Variants in RBFOX1 observed in about 807,000 individuals in gnomAD.
RBFOX1 encodes RNA binding fox-1 homolog 1.
In RBFOX1, 8 loss-of-function variants were observed where a neutral mutation model predicts 57.7. The observed-to-expected ratio is 0.14, with a 90% confidence interval of 0.08 to 0.25. RBFOX1 has a LOEUF of 0.25. RBFOX1 is among the 10% of genes least tolerant of loss of function. The pLI is 1.00. For synonymous variants in RBFOX1, 326 were observed against 222.4 expected (o/e 1.47, Z -4.15); for missense variants, 611 against 548.5 (o/e 1.11, Z -1.14).
At chr16:6,792,568 G>A (rs890281063) in intron 3 of RBFOX1, among the ~76,000 whole-genome samples, 10 of 152,132 alleles carry the variant, frequency 6.6e-5, no homozygotes, top group Non-Finnish European at 1.5e-4. Context: ...TACACTCAAC[G>A]CCATGTAGTA....
At chr16:5,827,377 A>T (rs1435132599) in intron 3 of RBFOX1, among the ~76,000 whole-genome samples, 2 of 145,166 alleles carry the variant, frequency 1.4e-5, no homozygotes, top group African/African-American at 5.2e-5. Context: ...TCCAACCTGG[A>T]TGACAGAGCA....
At chr16:6,059,653 A>G (rs937516297) in intron 1 of RBFOX1, among the ~76,000 whole-genome samples, 12 of 152,130 alleles carry the variant, frequency 7.9e-5, no homozygotes, top group African/African-American at 2.9e-4. Flanking sequence ...CAAACTGAGC[A>G]TCTCTCAGTT....
chr16:5,737,315 C>G (rs1005621508), intron 3 of RBFOX1, among the ~76,000 whole-genome samples: 4 of 151,980 alleles, frequency 2.6e-5, no homozygotes, highest in Non-Finnish European at 4.4e-5. Context: ...AAAACTCGGT[C>G]TCTCCTAAAA....
At chr16:7,229,278 C>T (rs2093339709) in intron 4 of RBFOX1, among the ~76,000 whole-genome samples, 1 of 152,114 alleles carries the variant, frequency 6.6e-6, no homozygotes, top group African/African-American at 2.4e-5. Context: ...ATACTTTTTC[C>T]TCCTAAGTTG....
intron 4 of RBFOX1, among the ~76,000 whole-genome samples, chr16:7,147,769 G>T (rs1261107762): frequency 6.6e-6 from 1 of 152,168 alleles, no homozygotes; most frequent in African/African-American, 2.4e-5. Context: ...GAATAGAGCT[G>T]CAGTGAACAT....
chr16:7,155,211 C>G (rs1394064120), intron 4 of RBFOX1, among the ~76,000 whole-genome samples: 1 of 152,200 alleles, frequency 6.6e-6, no homozygotes, highest in South Asian at 2.1e-4. Context: ...AAGTTTTTAG[C>G]TTTTTAAAAA....
chr16:6,274,750 A>G (rs1035579431), intron 1 of RBFOX1, among the ~76,000 whole-genome samples: 2 of 152,236 alleles, frequency 1.3e-5, no homozygotes, highest in African/African-American at 2.4e-5. Flanking sequence ...ATCTAGAATT[A>G]TCTCAGAATG....
At chr16:6,704,977 C>G (rs375034210) in intron 3 of RBFOX1, 6 of 152,214 alleles carry the variant, frequency 3.9e-5, no homozygotes, top group East Asian at 3.9e-4. Flanking sequence ...TGGGATAATG[C>G]TACCTCATGG....
intron 1 of RBFOX1, among the ~76,000 whole-genome samples, chr16:5,425,169 G>A (rs1448238905): frequency 6.7e-6 from 1 of 150,178 alleles, no homozygotes; most frequent in African/African-American, 2.4e-5. Context: ...GCAGTGGTGC[G>A]ATCTTGGCTC....
At chr16:5,769,397 T>A (rs1191179432) in intron 3 of RBFOX1, among the ~76,000 whole-genome samples, 5 of 151,612 alleles carry the variant, frequency 3.3e-5, no homozygotes, top group Non-Finnish European at 7.4e-5. Flanking sequence ...TCCTAGCACT[T>A]CTGGAGGCTG....
rs1246049820 is a variant in RBFOX1, at chr16:5,946,793, C to A, written c.351+79458C>A. 6.6e-6 allele frequency among the ~76,000 whole-genome samples: 1 copy of A among 152,150 alleles called. No individual in the cohort carries two copies. Among genetic ancestry groups the A allele is most frequent in the Non-Finnish European group, 1.5e-5 (1 of 68,028 alleles). On this transcript the variant is annotated intron_variant, in intron 4 of 19. Transcript: ENST00000641259. This position sits in a 1 kb window ranked among gnomAD's most constrained non-coding sequence, Gnocchi z 4.6. ...GATTCTAACTCCAGGTGGATCATGT[C>A]AGAATTGAACTGTAGGACACCCAGT...
chr16:5,258,189 TTTA>T (rs1191887422), intron 1 of RBFOX1, among the ~76,000 whole-genome samples: 2 of 152,144 alleles, frequency 1.3e-5, no homozygotes, highest in Non-Finnish European at 2.9e-5. Context: ...GCCAAGGTTT[TTTA>T]TTATTATTAT....
At chr16:5,757,424 G>A (rs1300894836) in intron 3 of RBFOX1, among the ~76,000 whole-genome samples, 1 of 151,954 alleles carries the variant, frequency 6.6e-6, no homozygotes, top group Non-Finnish European at 1.5e-5. Context: ...TAGAGACGGG[G>A]TTTCACCATT....
At chr16:7,635,179 A>G (rs955011884) in intron 11 of RBFOX1, among the ~76,000 whole-genome samples, 1 of 152,226 alleles carries the variant, frequency 6.6e-6, no homozygotes, top group African/African-American at 2.4e-5. Flanking sequence ...ATCTCTTCCA[A>G]ATTAATACAT....
At chr16:5,479,846 T>G (rs2069463888) in intron 2 of RBFOX1, among the ~76,000 whole-genome samples, 1 of 152,106 alleles carries the variant, frequency 6.6e-6, no homozygotes, top group South Asian at 2.1e-4. Context: ...AAAACATTCC[T>G]TAAGCTCCAA....
At chr16:7,384,335 A>G (rs976582670) in intron 4 of RBFOX1, among the ~76,000 whole-genome samples, 1 of 152,174 alleles carries the variant, frequency 6.6e-6, no homozygotes, top group African/African-American at 2.4e-5. Flanking sequence ...TGAAAATTTC[A>G]ATATGAAAAA....
intron 1 of RBFOX1, among the ~76,000 whole-genome samples, chr16:6,173,604 C>CTTTTTTTTTTTTTTTTTTTTTTT (rs35528338): frequency 1.4e-5 from 1 of 70,950 alleles, no homozygotes; most frequent in African/African-American, 5.9e-5. Flanking sequence ...TGACCACTCC[C>CTTTTTTTTTTTTTTTTTTTTTTT]TTTTTTTTTT....
chr16:6,726,368 T>C (rs898961553), intron 3 of RBFOX1, among the ~76,000 whole-genome samples: 5 of 150,894 alleles, frequency 3.3e-5, no homozygotes, highest in African/African-American at 1.2e-4. Context: ...TGTAAAAAAA[T>C]AATAAATAAA....
At chr16:5,494,817 T>A (rs1207681717) in intron 2 of RBFOX1, among the ~76,000 whole-genome samples, 7 of 152,194 alleles carry the variant, frequency 4.6e-5, no homozygotes, top group Admixed American at 4.6e-4. Context: ...CCCTCAGAGA[T>A]GAAAATGATC....
Sources: allele counts gnomAD v4.1 joint callset (sites outside exome capture counted in the v4.1 genomes callset), GRCh38; gene constraint gnomAD v4.1.1; non-coding constraint Gnocchi (gnomAD v3.1); transcripts MANE v1.5; gene names NCBI Gene and HGNC (gene_info 2026-07-23, HGNC 2026-07-21).